IKZF4: variants seen among roughly 807,000 people sequenced by gnomAD.
IKZF4 encodes IKAROS family zinc finger 4, also known as zinc finger protein Eos.
IKZF4 carries 11 observed loss-of-function variants against 47.7 expected under a neutral mutation model. The observed-to-expected ratio is 0.23, with a 90% confidence interval of 0.15 to 0.38. The LOEUF is 0.38. Among genes scored for constraint, IKZF4 ranks in the 10% least tolerant of loss-of-function variants. The pLI is 1.00. For missense variants in IKZF4, 557 were observed against 784.9 expected, an observed-to-expected ratio of 0.71 and a Z score of 3.47; for synonymous variants, 298 against 299.4, an observed-to-expected ratio of 1.00 and a Z score of 0.05.
intron 3 of IKZF4, among the ~76,000 whole-genome samples, chr12:56,026,467 A>C (rs1315122749): frequency 6.6e-6 from 1 of 151,772 alleles, no homozygotes; most frequent in Admixed American, 6.6e-5. Flanking sequence ...AGGCAGGCAG[A>C]TCACCTGAGG....
intron 2 of IKZF4, among the ~76,000 whole-genome samples, chr12:56,015,887 A>G (rs973490508): frequency 1.3e-5 from 2 of 152,134 alleles, no homozygotes; most frequent in Admixed American, 1.3e-4. Context: ...ATTGTTCCTA[A>G]GGGACCCTTC....
chr12:56,013,383 A>G (rs1891580623), intron 2 of IKZF4, among the ~76,000 whole-genome samples: 1 of 151,920 alleles, frequency 6.6e-6, no homozygotes, highest in Non-Finnish European at 1.5e-5. Flanking sequence ...TTTAGTAGAG[A>G]TGGGGTTTCG....
rs942593974 is a variant in IKZF4 at position 56,032,458 on chromosome 12, C to G, written c.716-103C>G. 7 of 1,188,246 alleles carry G rather than the reference C, an allele frequency of 5.9e-6. No individual in the cohort carries two copies. The African/African-American group carries it at 7.8e-5, about 13-fold the overall frequency. The allele number at this position is 1,188,246 out of a possible 1,614,324, so 73.6% of individuals were successfully genotyped here. ...GTAGAAGAACTCAATTTAGCAACAT[C>G]CTTTCCTTCCCATGCCAGTGTATAC... On this transcript the variant is annotated intron_variant, in intron 5 of 7. Coordinates refer to ENST00000547167, the MANE Select transcript of IKZF4 (RefSeq NM_022465.4).
intron 7 of IKZF4, 81 bp from the exon 8 acceptor site, chr12:56,034,490 G>A (rs748359133): frequency 1.4e-6 from 2 of 1,423,048 alleles, no homozygotes. Flanking sequence ...CAGCCCCACA[G>A]GTAAAAAAAC....
Position 56,035,282 on chromosome 12 carries a change from G to T in IKZF4, c.1709G>T (p.Arg570Leu). Reference protein sequence around the residue: ...CNICGYHSQDRYEFSSHIVRG... With the variant: ...CNICGYHSQDLYEFSSHIVRG... ...ATCTGTGGTTATCACAGCCAGGACC[G>T]GTACGAATTCTCTTCCCACATTGTC... Residue 570 changes from arginine (R) to leucine (L), a missense_variant, in exon 8 of 8, where the codon CGG (arginine) becomes CTG (leucine). By Grantham distance (102) the Arg-to-Leu change is moderately radical. Around this residue, in one of 6 missense-constraint regions of IKZF4, gnomAD observed 22 missense variants for 65.2 expected, o/e 0.34. Transcript: ENST00000547167. This position sits in a 1 kb window ranked among gnomAD's most constrained non-coding sequence, Gnocchi z 6.1. 1 of 1,613,874 alleles carries T rather than the reference G, an allele frequency of 6.2e-7. No individual in the cohort carries two copies. Among genetic ancestry groups the T allele is most frequent in the Non-Finnish European group, 8.5e-7 (1 of 1,179,864 alleles).
Position 56,029,345 on chromosome 12 carries a change from T to TAA in IKZF4, c.715+1399_715+1400dup, listed in dbSNP as rs749612596. 2.6e-5 allele frequency among the ~76,000 whole-genome samples: 4 copies of TAA among 152,306 alleles called. No individual in the cohort carries two copies. In the South Asian group the frequency reaches 6.2e-4, roughly 24 times the overall value. On this transcript the variant is annotated intron_variant, in intron 5 of 7. Coordinates refer to ENST00000547167, the MANE Select transcript of IKZF4 (RefSeq NM_022465.4). ...AGATAGCACTTTTTAGGCATTTTAC[T>TAA]AAGCTTTAGGCTTTTGGCTTGGACT...
chr12:56,016,874 G>A (rs897820318), upstream of IKZF4, among the ~76,000 whole-genome samples: 3 of 152,048 alleles, frequency 2.0e-5, no homozygotes, highest in Non-Finnish European at 1.5e-5. Context: ...GATTACAGGT[G>A]TGAACCAGTG....
intron 1 of IKZF4, among the ~76,000 whole-genome samples, chr12:56,009,051 T>C (rs879700503): frequency 1.1e-3 from 164 of 152,302 alleles, no homozygotes; most frequent in Non-Finnish European, 1.4e-3. Flanking sequence ...TTGTTACTCT[T>C]GTCAACCCTC....
upstream of IKZF4, chr12:56,019,361 C>T (rs1483806220): frequency 1.5e-5 from 15 of 984,918 alleles, no homozygotes; most frequent in Non-Finnish European, 1.8e-5. Flanking sequence ...AAGGAGATAG[C>T]AAGATGGGTC....
In IKZF4 at chr12:56,033,179, C is replaced by T. The variant is rs746477900; in HGVS notation, c.866-11C>T. On this transcript the variant is annotated splice_polypyrimidine_tract_variant and intron_variant, in intron 6 of 7. Coordinates refer to ENST00000547167, the MANE Select transcript of IKZF4 (RefSeq NM_022465.4). ...CAACTGCTACTACTGTCTCCACCTTCTTCCCACTAGGTGACGAAATACGTG... is the reference window on the plus strand; with the variant it reads ...CAACTGCTACTACTGTCTCCACCTTTTTCCCACTAGGTGACGAAATACGTG... 6.2e-7 allele frequency: 1 copy of T among 1,613,660 alleles called. No individual in the cohort carries two copies. Among genetic ancestry groups the T allele is most frequent in the South Asian group, 1.1e-5 (1 of 91,072 alleles).
In IKZF4 at chr12:56,021,366, T is replaced by C. The variant is rs1892917718; in HGVS notation, c.-128T>C. 4 of 1,545,322 alleles carry C rather than the reference T, an allele frequency of 2.6e-6. No homozygotes were observed. In the African/African-American group the frequency reaches 4.1e-5, roughly 16 times the overall value. ...GAGCTGCTCTTGCTGGCTGCAGCCG[T>C]GGGCCTCTGCTCACCGTGCCGCTGC... On this transcript the variant is annotated 5_prime_UTR_variant, in exon 1 of 8. Coordinates refer to ENST00000547167, the MANE Select transcript of IKZF4 (RefSeq NM_022465.4).
Position 56,021,126 on chromosome 12 carries a change from C to G in IKZF4, c.-368C>G. 7.1e-7 allele frequency: 1 copy of G among 1,402,356 alleles called. No individual in the cohort carries two copies. Among genetic ancestry groups the G allele is most frequent in the Non-Finnish European group, 9.3e-7 (1 of 1,080,728 alleles). 86.9% of individuals were successfully genotyped at this position (1,402,356 alleles called of 1,614,324 possible). A position where few individuals can be genotyped will look rare whatever the true frequency, so the allele number is the denominator to read the frequency against. ...GGGGCAACAGCATCTGCCTTTCCCTCCCTGTGCACACACCCACCACCCACC... is the reference window on the plus strand; with the variant it reads ...GGGGCAACAGCATCTGCCTTTCCCTGCCTGTGCACACACCCACCACCCACC... On this transcript the variant is annotated 5_prime_UTR_variant, in exon 1 of 8. Transcript: ENST00000547167.
At chr12:56,017,889 TA>T (rs1892333559), upstream of IKZF4, among the ~76,000 whole-genome samples, 2 of 152,182 alleles carry the variant, frequency 1.3e-5, no homozygotes, top group African/African-American at 4.8e-5. Flanking sequence ...GATCTCCCTA[TA>T]TTGCCCAGGC....
chr12:56,010,071 A>C (rs968276907), intron 1 of IKZF4: 2 of 151,072 alleles, frequency 1.3e-5, no homozygotes, highest in African/African-American at 4.9e-5. Context: ...ACACACACAC[A>C]CCAAAGAAAA....
chr12:56,033,383 T>C, intron 7 of IKZF4, 62 bp downstream of exon 7: 1 of 1,601,980 alleles, frequency 6.2e-7, no homozygotes, highest in Non-Finnish European at 8.5e-7. Flanking sequence ...ATCTGAGCTG[T>C]GTGGTCTGGA....
chr12:56,022,861 G>A (rs537766113), intron 1 of IKZF4, among the ~76,000 whole-genome samples: 167 of 147,904 alleles, frequency 1.1e-3, no homozygotes, highest in Non-Finnish European at 2.1e-3. Context: ...GTGCAGTGGC[G>A]CGATCTCGGC....
Position 56,021,536 on chromosome 12 carries a change from G to T in IKZF4, c.43G>T (p.Gly15Cys). The T allele has an allele frequency of 6.2e-7, 1 of 1,609,342 alleles. No individual in the cohort carries two copies. The highest frequency in any genetic ancestry group is 2.2e-5 in the East Asian group (1 of 44,630). Residue 15 changes from glycine to cysteine, a missense_variant, in exon 1 of 8, where the codon GGC becomes TGC. Around this residue, in one of 6 missense-constraint regions of IKZF4, gnomAD observed 44 missense variants for 39.7 expected, o/e 1.11. Transcript: ENST00000547167. Reference sequence around the variant, plus strand: ...ACTCCCTCGCCGTTTCCAAGGCGGCGGCCGCGTTCGCACCCCAGGGTCTCA... The same window carrying T: ...ACTCCCTCGCCGTTTCCAAGGCGGCTGCCGCGTTCGCACCCCAGGGTCTCA... Reference protein sequence around the residue: ...PALPRRFQGGGRVRTPGSHRQ... With the variant: ...PALPRRFQGGCRVRTPGSHRQ...
chr12:56,026,471 C>A (rs549409743), intron 3 of IKZF4, among the ~76,000 whole-genome samples: 1 of 151,960 alleles, frequency 6.6e-6, no homozygotes, highest in African/African-American at 2.4e-5. Context: ...AGGCAGATCA[C>A]CTGAGGTTGG....
Position 56,026,930 on chromosome 12 carries a change from C to T in IKZF4, c.436C>T (p.Pro146Ser), listed in dbSNP as rs769295010. The T allele has an allele frequency of 2.5e-6, 4 of 1,612,592 alleles. No homozygotes were observed. The highest frequency in any genetic ancestry group is 3.4e-6 in the Non-Finnish European group (4 of 1,179,332). The change falls in exon 4 of 8, where the codon CCT becomes TCT. Residue 146 changes from proline to serine, a missense_variant. Pro to Ser is a moderately conservative substitution (Grantham distance 74). Around this residue, in one of 6 missense-constraint regions of IKZF4, gnomAD observed 112 missense variants for 168.2 expected, o/e 0.67. Transcript: ENST00000547167. ...CTACTGTGATGGGAGTGGGCCAGAG[C>T]CTCACTCCCCTGGGGGCATCCGGCT... ...LGYCDGSGPE[P>S]HSPGGIRLPN...
Sources: allele counts gnomAD v4.1 joint callset (sites outside exome capture counted in the v4.1 genomes callset), GRCh38; gene constraint gnomAD v4.1.1; regional missense constraint gnomAD v4.1.1; non-coding constraint Gnocchi (gnomAD v3.1); transcripts MANE v1.5; gene names NCBI Gene and HGNC (gene_info 2026-07-23, HGNC 2026-07-21).